CCNY: variants seen among roughly 807,000 people sequenced by gnomAD.
CCNY encodes cyclin-Y.
A neutral mutation model predicts 42.8 loss-of-function variants in CCNY; 19 were observed. That is an observed-to-expected ratio of 0.44 (90% CI 0.31 to 0.65). CCNY has a LOEUF of 0.65. Ranked by LOEUF, CCNY falls within the 30% of genes least tolerant of loss-of-function variation. The pLI, the probability that CCNY is intolerant of heterozygous loss-of-function variation, is 0.07. For missense variants in CCNY, 370 were observed against 437.3 expected, an observed-to-expected ratio of 0.85 and a Z score of 1.37; for synonymous variants, 165 against 162.7, an observed-to-expected ratio of 1.01 and a Z score of -0.11.
chr10:35,433,351 CTTATT>C (rs1454508386), intron 1 of CCNY, among the ~76,000 whole-genome samples: 1 of 151,964 alleles, frequency 6.6e-6, no homozygotes, highest in Non-Finnish European at 1.5e-5. Flanking sequence ...GTTTTTCAGC[CTTATT>C]TTTATTTATC....
At chr10:35,467,701 G>A (rs1839299830) in intron 1 of CCNY, among the ~76,000 whole-genome samples, 1 of 152,150 alleles carries the variant, frequency 6.6e-6, no homozygotes, top group Non-Finnish European at 1.5e-5. Flanking sequence ...TTGATAGTAG[G>A]TGGATCCCAG....
Position 35,337,074 on chromosome 10 carries a change from C to T in CCNY, c.21C>T (p.Cys7=). The T allele has an allele frequency of 6.3e-7, 1 of 1,588,776 alleles. No individual in the cohort carries two copies. The highest frequency in any genetic ancestry group is 2.4e-5 in the East Asian group (1 of 41,928). Residue 7 remains cysteine, a synonymous_variant, in exon 1 of 10, where the codon TGC becomes TGT. Coordinates refer to ENST00000374704, the MANE Select transcript of CCNY (RefSeq NM_145012.6). MGNTTS[C]CVSSSPKLRR... ...CGAAGATGGGGAACACTACCTCGTG[C>T]TGCGTGTCGTCCAGTCCCAAGCTCC...
chr10:35,308,542 C>T (rs965808970), intron 3 of CCNY, among the ~76,000 whole-genome samples: 2 of 151,824 alleles, frequency 1.3e-5, no homozygotes, highest in African/African-American at 4.8e-5. Flanking sequence ...ACAGAGTGAG[C>T]CCATGGGGAG....
chr10:35,255,364 A>C (rs1337767053), intron 3 of CCNY, among the ~76,000 whole-genome samples: 1 of 148,508 alleles, frequency 6.7e-6, no homozygotes, highest in Non-Finnish European at 1.5e-5. Context: ...TCTGTCACCC[A>C]GTCTGGAGTG....
chr10:35,305,898 A>G (rs1052409532), intron 3 of CCNY, among the ~76,000 whole-genome samples: 1 of 152,178 alleles, frequency 6.6e-6, no homozygotes, highest in African/African-American at 2.4e-5. Flanking sequence ...GCTTGGGATC[A>G]TTAGAGTGGG....
At chr10:35,413,275 G>A (rs1370027891) in intron 1 of CCNY, among the ~76,000 whole-genome samples, 4 of 152,120 alleles carry the variant, frequency 2.6e-5, no homozygotes, top group African/African-American at 7.2e-5. Flanking sequence ...GGAGGTGGTT[G>A]GATATGGGGA....
At chr10:35,473,136 T>C (rs1331542820) in intron 1 of CCNY, among the ~76,000 whole-genome samples, 1 of 152,246 alleles carries the variant, frequency 6.6e-6, no homozygotes. Context: ...CCCTAGCTGG[T>C]TCTGCACTCT....
chr10:35,355,670 A>T, intron 1 of CCNY, among the ~76,000 whole-genome samples: 1 of 99,196 alleles, frequency 1.0e-5, no homozygotes, highest in Non-Finnish European at 1.9e-5. Flanking sequence ...AGAGCAAGAT[A>T]CTGTCTCCAA....
intron 3 of CCNY, among the ~76,000 whole-genome samples, chr10:35,294,621 T>A (rs1835449765): frequency 6.6e-6 from 1 of 152,250 alleles, no homozygotes; most frequent in African/African-American, 2.4e-5. Flanking sequence ...CACTTGGCCA[T>A]GAGGCATAAA....
chr10:35,455,702 G>A (rs753213301), intron 1 of CCNY, among the ~76,000 whole-genome samples: 9 of 151,816 alleles, frequency 5.9e-5, no homozygotes, highest in Non-Finnish European at 7.4e-5. Flanking sequence ...CAGGACCACA[G>A]TGCCACGCCC....
At chr10:35,268,616 G>T (rs2095728030) in intron 3 of CCNY, among the ~76,000 whole-genome samples, 1 of 152,196 alleles carries the variant, frequency 6.6e-6, no homozygotes, top group Admixed American at 6.5e-5. Context: ...TCTCTGCAGT[G>T]ACCCCTTCCC....
At chr10:35,390,056 G>T (rs1332607295) in intron 1 of CCNY, among the ~76,000 whole-genome samples, 1 of 152,166 alleles carries the variant, frequency 6.6e-6, no homozygotes, top group Non-Finnish European at 1.5e-5. Context: ...TCATTGGCTC[G>T]CTTTTAAGGA....
intron 1 of CCNY, among the ~76,000 whole-genome samples, chr10:35,388,755 C>T (rs1184646175): frequency 1.3e-5 from 2 of 152,202 alleles, no homozygotes; most frequent in African/African-American, 2.4e-5. Flanking sequence ...GTTTAGAAGT[C>T]TGACCTGGGT....
chr10:35,479,661 T>A (rs1411639444), intron 1 of CCNY, among the ~76,000 whole-genome samples: 2 of 149,422 alleles, frequency 1.3e-5, no homozygotes, highest in Non-Finnish European at 3.0e-5. Flanking sequence ...TAATGCTAGA[T>A]GACGAGTTAG....
chr10:35,307,560 C>T (rs1835621935), intron 3 of CCNY, among the ~76,000 whole-genome samples: 1 of 152,074 alleles, frequency 6.6e-6, no homozygotes, highest in East Asian at 1.9e-4. Context: ...TTTGCTAATC[C>T]TAAAACGAGG....
chr10:35,542,545 G>C (rs1239982467), intron 7 of CCNY, among the ~76,000 whole-genome samples: 2 of 152,184 alleles, frequency 1.3e-5, no homozygotes, highest in Non-Finnish European at 2.9e-5. Flanking sequence ...GATGCATTCT[G>C]AGAAGAGTGC....
chr10:35,435,679 A>G lies in CCNY; in HGVS notation c.155-47725A>G, dbSNP rs553096571. On this transcript the variant is annotated intron_variant, in intron 1 of 9. Coordinates refer to ENST00000374704, the MANE Select transcript of CCNY (RefSeq NM_145012.6). ...TTTACACACTTTTGTATATTAGACT[A>G]TTTCAGTCACAGACCTTGCGAGCTG... Among the ~76,000 whole-genome samples the G allele has an allele frequency of 1.8e-3, 271 of 152,252 alleles. 3 individuals carry two copies. Among genetic ancestry groups the G allele is most frequent in the Non-Finnish European group, 2.5e-3 (170 of 68,014 alleles).
chr10:35,448,805 A>G (rs1030609994), intron 1 of CCNY, among the ~76,000 whole-genome samples: 5 of 152,048 alleles, frequency 3.3e-5, no homozygotes, highest in Non-Finnish European at 7.4e-5. Context: ...AATGGGGGCC[A>G]ATGTGGAGTT....
At chr10:35,434,894 T>A (rs566317084) in intron 1 of CCNY, among the ~76,000 whole-genome samples, 11 of 152,342 alleles carry the variant, frequency 7.2e-5, no homozygotes, top group African/African-American at 2.6e-4. Flanking sequence ...GTGCCCCTTA[T>A]ACTTTCTTTC....
Sources: allele counts gnomAD v4.1 joint callset (sites outside exome capture counted in the v4.1 genomes callset), GRCh38; gene constraint gnomAD v4.1.1; transcripts MANE v1.5; gene names NCBI Gene and HGNC (gene_info 2026-07-23, HGNC 2026-07-21).